Variants in DNAJC1 observed in about 807,000 individuals in gnomAD.
The protein encoded by DNAJC1 is dnaJ homolog subfamily C member 1.
DNAJC1 carries 58 observed loss-of-function variants against 76.6 expected under a neutral mutation model. The ratio of observed to expected loss-of-function variants is 0.76; its 90% CI spans 0.61 to 0.94. The LOEUF (loss-of-function observed/expected upper bound fraction) is 0.94. Among genes scored for constraint, DNAJC1 ranks in the 40% least tolerant of loss-of-function variants. The pLI is 0.00. For missense variants in DNAJC1, 689 were observed against 677.3 expected, an observed-to-expected ratio of 1.02 and a Z score of -0.19; for synonymous variants, 258 against 267.9, an observed-to-expected ratio of 0.96 and a Z score of 0.36.
intron 8 of DNAJC1, among the ~76,000 whole-genome samples, chr10:21,819,328 G>A (rs1186531262): frequency 6.6e-6 from 1 of 151,914 alleles, no homozygotes; most frequent in African/African-American, 2.4e-5. Context: ...CTGAACCCAG[G>A]AGGCAGAGGT....
intron 9 of DNAJC1, among the ~76,000 whole-genome samples, chr10:21,781,736 A>AT (rs1408268989): frequency 1.3e-5 from 2 of 150,712 alleles, no homozygotes; most frequent in African/African-American, 4.9e-5. Context: ...AAAAAAAAAA[A>AT]AAGAAACTCA....
intron 1 of DNAJC1, among the ~76,000 whole-genome samples, chr10:21,993,248 C>A (rs1471863220): frequency 6.6e-6 from 1 of 152,096 alleles, no homozygotes; most frequent in Non-Finnish European, 1.5e-5. Context: ...CACACCTGCA[C>A]CCTCTCGCTC....
chr10:21,785,644 T>C (rs1482152163), intron 9 of DNAJC1: 3 of 152,134 alleles, frequency 2.0e-5, no homozygotes, highest in Non-Finnish European at 2.9e-5. Flanking sequence ...CAAGTGGAAG[T>C]TGAATGCTCT....
chr10:21,902,548 G>A (rs895897907), intron 7 of DNAJC1, among the ~76,000 whole-genome samples: 2 of 152,116 alleles, frequency 1.3e-5, no homozygotes, highest in African/African-American at 2.4e-5. Flanking sequence ...CTGGTGATCC[G>A]CCTGTCTTGG....
chr10:21,840,544 AG>A (rs1249714912), intron 8 of DNAJC1, among the ~76,000 whole-genome samples: 4 of 152,204 alleles, frequency 2.6e-5, no homozygotes, highest in Admixed American at 2.6e-4. Context: ...CCAACTTACA[AG>A]GGATGTGAAG....
At chr10:21,757,688 G>T (rs533073992) in intron 11 of DNAJC1, among the ~76,000 whole-genome samples, 1 of 152,306 alleles carries the variant, frequency 6.6e-6, no homozygotes, top group South Asian at 2.1e-4. Flanking sequence ...GATGTGGCCA[G>T]ACCCAGCACT....
intron 7 of DNAJC1, among the ~76,000 whole-genome samples, chr10:21,899,272 C>T (rs927104540): frequency 2.0e-5 from 3 of 152,200 alleles, no homozygotes; most frequent in Non-Finnish European, 4.4e-5. Context: ...CCTGGGATCC[C>T]TGGCAAGGCA....
chr10:21,930,345 T>C lies in DNAJC1; in HGVS notation c.223-1204A>G, dbSNP rs1415401166. On this transcript the variant is annotated intron_variant, in intron 1 of 11. Coordinates refer to ENST00000376980, the MANE Select transcript of DNAJC1 (RefSeq NM_022365.4). ...AACATATTAATATTGGGCAAAATGA[T>C]AGTAAACTTGCTTACTAAATGTCTC... Among the ~76,000 whole-genome samples, 16 of 152,354 alleles carry C rather than the reference T, an allele frequency of 1.1e-4. No individual in the cohort carries two copies. In the East Asian group the frequency reaches 2.5e-3, roughly 24 times the overall value.
At chr10:21,864,106 C>G (rs1835957231) in intron 8 of DNAJC1, among the ~76,000 whole-genome samples, 1 of 151,998 alleles carries the variant, frequency 6.6e-6, no homozygotes, top group Non-Finnish European at 1.5e-5. Context: ...ACTCAAGAGG[C>G]TCAGGTGGGA....
intron 8 of DNAJC1, among the ~76,000 whole-genome samples, chr10:21,829,434 T>C (rs1835319523): frequency 6.6e-6 from 1 of 152,198 alleles, no homozygotes. Context: ...GCCAGAATGG[T>C]CTTGATTTCC....
chr10:21,761,189 AC>A (rs1834236195), intron 10 of DNAJC1, among the ~76,000 whole-genome samples: 1 of 152,146 alleles, frequency 6.6e-6, no homozygotes, highest in South Asian at 2.1e-4. Flanking sequence ...CAAAACAACA[AC>A]AAAAAAGGGG....
At chr10:21,768,186 A>G (rs1834324028) in intron 9 of DNAJC1, among the ~76,000 whole-genome samples, 1 of 152,308 alleles carries the variant, frequency 6.6e-6, no homozygotes, top group African/African-American at 2.4e-5. Context: ...CTAACAAGCC[A>G]TCCTTTCCAT....
intron 7 of DNAJC1, among the ~76,000 whole-genome samples, chr10:21,892,728 T>C (rs1836479777): frequency 6.6e-6 from 1 of 151,952 alleles, no homozygotes; most frequent in African/African-American, 2.4e-5. Context: ...AAAGCAGCAG[T>C]AGTTATATTA....
intron 8 of DNAJC1, among the ~76,000 whole-genome samples, chr10:21,817,323 T>G (rs1206555656): frequency 1.3e-5 from 2 of 152,160 alleles, no homozygotes; most frequent in Non-Finnish European, 2.9e-5. Context: ...TATTTTAAAT[T>G]ACACATAAAT....
intron 6 of DNAJC1, among the ~76,000 whole-genome samples, chr10:21,916,764 T>G (rs1455000055): frequency 6.6e-6 from 1 of 152,124 alleles, no homozygotes; most frequent in Non-Finnish European, 1.5e-5. Context: ...AATCTAATCC[T>G]GAGAGCAACT....
At chr10:21,915,248 A>G (rs1472390129) in intron 6 of DNAJC1, among the ~76,000 whole-genome samples, 6 of 152,226 alleles carry the variant, frequency 3.9e-5, no homozygotes, top group Admixed American at 3.9e-4. Flanking sequence ...GGGCTCTTAG[A>G]TGCTAAGTAA....
At chr10:21,767,930 G>A (rs1377861436) in intron 9 of DNAJC1, among the ~76,000 whole-genome samples, 1 of 152,078 alleles carries the variant, frequency 6.6e-6, no homozygotes, top group Non-Finnish European at 1.5e-5. Flanking sequence ...AGGAGGTAGA[G>A]GTTGCAGTGA....
At chr10:21,900,376 G>C (rs78255638) in intron 7 of DNAJC1, among the ~76,000 whole-genome samples, 3,093 of 151,176 alleles carry the variant, frequency 0.02, 121 homozygotes, top group African/African-American at 0.071. Flanking sequence ...AAAAGATAAA[G>C]AAATTTGACT....
At chr10:21,902,710 T>G (rs1218848784) in intron 7 of DNAJC1, among the ~76,000 whole-genome samples, 1 of 152,196 alleles carries the variant, frequency 6.6e-6, no homozygotes, top group Non-Finnish European at 1.5e-5. Flanking sequence ...GGAGCTTTTG[T>G]ATAGTGATAA....
Sources: allele counts gnomAD v4.1 joint callset (sites outside exome capture counted in the v4.1 genomes callset), GRCh38; gene constraint gnomAD v4.1.1; transcripts MANE v1.5; gene names NCBI Gene and HGNC (gene_info 2026-07-23, HGNC 2026-07-21).